The following CSMD1 variants were observed in gnomAD, a reference collection of about 807,000 sequenced individuals.
The protein encoded by CSMD1 is CUB and sushi domain-containing protein 1.
A neutral mutation model predicts 417.5 loss-of-function variants in CSMD1; 213 were observed. That is an observed-to-expected ratio of 0.51 (90% CI 0.46 to 0.57). The LOEUF (loss-of-function observed/expected upper bound fraction) is 0.57. CSMD1 is among the 20% of genes least tolerant of loss of function. CSMD1 has a pLI of 0.00. For synonymous variants in CSMD1, 2,862 were observed against 1,736.8 expected, an observed-to-expected ratio of 1.65 and a Z score of -16.11; for missense variants, 6,923 against 4,529.7, an observed-to-expected ratio of 1.53 and a Z score of -15.17.
intron 11 of CSMD1, among the ~76,000 whole-genome samples, chr8:3,479,582 C>A (rs1033700901): frequency 6.6e-6 from 1 of 152,150 alleles, no homozygotes; most frequent in East Asian, 1.9e-4. Flanking sequence ...GCCCAGCCTG[C>A]CATTTCTTTC....
At chr8:4,083,058 A>C (rs1481971270) in intron 3 of CSMD1, among the ~76,000 whole-genome samples, 1 of 152,008 alleles carries the variant, frequency 6.6e-6, no homozygotes, top group Non-Finnish European at 1.5e-5. Flanking sequence ...TATTGTGAAT[A>C]GTGCCACAAT....
intron 5 of CSMD1, among the ~76,000 whole-genome samples, chr8:3,970,344 G>C (rs1304056391): frequency 6.6e-6 from 1 of 152,148 alleles, no homozygotes; most frequent in Admixed American, 6.5e-5. Context: ...ACCAGCATAA[G>C]ATCGCAGCAG....
intron 37 of CSMD1, among the ~76,000 whole-genome samples, chr8:3,168,831 G>T (rs978434453): frequency 6.6e-6 from 1 of 152,096 alleles, no homozygotes; most frequent in Admixed American, 6.5e-5. Flanking sequence ...ATTTCCACTT[G>T]TTACATCCTG....
intron 7 of CSMD1, among the ~76,000 whole-genome samples, chr8:3,647,239 G>C (rs963680027): frequency 1.3e-5 from 2 of 152,216 alleles, no homozygotes; most frequent in African/African-American, 4.8e-5. Context: ...ACTTCAGCAA[G>C]GGATGAGTAA....
intron 2 of CSMD1, among the ~76,000 whole-genome samples, chr8:4,481,067 T>C (rs1393449206): frequency 6.6e-6 from 1 of 152,242 alleles, no homozygotes; most frequent in Non-Finnish European, 1.5e-5. Context: ...TGAATATATC[T>C]AAATATCACC....
chr8:3,867,943 TTGTA>T (rs1805220849), intron 5 of CSMD1, among the ~76,000 whole-genome samples: 1 of 152,094 alleles, frequency 6.6e-6, no homozygotes, highest in African/African-American at 2.4e-5. Flanking sequence ...CAGCCAATCT[TTGTA>T]TGTCTTCTCT....
chr8:4,497,804 G>A (rs1393200109), intron 2 of CSMD1, among the ~76,000 whole-genome samples: 2 of 152,202 alleles, frequency 1.3e-5, no homozygotes, highest in African/African-American at 4.8e-5. Flanking sequence ...AAGATTGGTA[G>A]CAAGCACAGC....
intron 41 of CSMD1, chr8:3,127,862 G>C (rs1403604810): frequency 1.3e-5 from 2 of 149,966 alleles, no homozygotes; most frequent in Admixed American, 6.7e-5. Flanking sequence ...GGAAGGAAAG[G>C]AGGGAGGGAA....
intron 3 of CSMD1, among the ~76,000 whole-genome samples, chr8:4,099,757 G>C (rs181850398): frequency 6.6e-6 from 1 of 152,216 alleles, no homozygotes; most frequent in Non-Finnish European, 1.5e-5. Flanking sequence ...ACCTCTTCCT[G>C]AGTTAATCTC....
intron 5 of CSMD1, chr8:3,949,982 G>A: frequency 2.2e-6 from 1 of 455,938 alleles, no homozygotes; most frequent in Non-Finnish European, 4.4e-6. Flanking sequence ...CTCCAGGCTT[G>A]CATGAAATTA....
At chr8:3,859,584 G>T (rs964276178) in intron 5 of CSMD1, among the ~76,000 whole-genome samples, 1 of 152,144 alleles carries the variant, frequency 6.6e-6, no homozygotes, top group Non-Finnish European at 1.5e-5. Context: ...GTTGGGTCAT[G>T]CCAGAAAGAC....
chr8:4,070,924 C>G (rs1450942052), intron 3 of CSMD1, among the ~76,000 whole-genome samples: 1 of 152,148 alleles, frequency 6.6e-6, no homozygotes, highest in Admixed American at 6.5e-5. Context: ...ATGTTGTTTT[C>G]TATGGATGGC....
chr8:3,300,623 A>G (rs1278853325), intron 25 of CSMD1, among the ~76,000 whole-genome samples: 1 of 152,160 alleles, frequency 6.6e-6, no homozygotes, highest in Admixed American at 6.6e-5. Flanking sequence ...GCAAAGATTT[A>G]CTTACAAGAC....
intron 5 of CSMD1, among the ~76,000 whole-genome samples, chr8:3,821,371 G>A (rs60446834): frequency 0.023 from 3,485 of 152,276 alleles, 136 homozygotes; most frequent in African/African-American, 0.078. Flanking sequence ...GACTGGCAGC[G>A]CAGGTTTGCA....
intron 1 of CSMD1, among the ~76,000 whole-genome samples, chr8:4,856,607 G>T (rs1162993667): frequency 6.9e-6 from 1 of 144,622 alleles, no homozygotes; most frequent in Non-Finnish European, 1.5e-5. Context: ...AAAGGCAGGG[G>T]TTGCAATCCT....
At chr8:3,031,197 T>G (rs917470549) in intron 50 of CSMD1, among the ~76,000 whole-genome samples, 1 of 151,020 alleles carries the variant, frequency 6.6e-6, no homozygotes, top group Admixed American at 6.6e-5. Context: ...ATATTTCAAA[T>G]AAAATGCATT....
chr8:3,131,471 ATTTTTTTTT>A (rs36009515), intron 41 of CSMD1, among the ~76,000 whole-genome samples: 1 of 142,238 alleles, frequency 7.0e-6, no homozygotes, highest in African/African-American at 2.6e-5. Flanking sequence ...GCTAATACTA[ATTTTTTTTT>A]TTTTTTTTTG....
chr8:4,447,639 G>C (rs116237457), intron 2 of CSMD1, among the ~76,000 whole-genome samples: 332 of 152,224 alleles, frequency 2.2e-3, no homozygotes, highest in African/African-American at 6.7e-3. Flanking sequence ...AAGTCGACAG[G>C]TTTACGGAAA....
intron 1 of CSMD1, among the ~76,000 whole-genome samples, chr8:4,908,734 C>CATTTG (rs1554517277): frequency 1.6e-4 from 2 of 12,216 alleles, no homozygotes; most frequent in East Asian, 3.1e-3. Flanking sequence ...ATGTTATTTT[C>CATTTG]TAGTAATTCA....
Sources: gnomAD v4.1 joint callset for allele counts (sites outside exome capture counted in the v4.1 genomes callset) on GRCh38, gnomAD v4.1.1 for gene constraint, MANE v1.5 for transcripts, NCBI Gene and HGNC (gene_info 2026-07-23, HGNC 2026-07-21) for gene names.